The following FBXL5 variants were observed in gnomAD, a reference collection of about 807,000 sequenced individuals.
FBXL5 encodes F-box and leucine rich repeat protein 5.
In FBXL5, 26 loss-of-function variants were observed where a neutral mutation model predicts 78.3. The observed-to-expected ratio is 0.33, with a 90% CI of 0.24 to 0.46. The LOEUF is 0.46. FBXL5 is among the 20% of genes least tolerant of loss of function. FBXL5 has a pLI of 1.00. For missense variants in FBXL5, 710 were observed against 829.2 expected, an observed-to-expected ratio of 0.86 and a Z score of 1.77; for synonymous variants, 295 against 282.5, an observed-to-expected ratio of 1.04 and a Z score of -0.45.
intron 10 of FBXL5, among the ~76,000 whole-genome samples, chr4:15,611,019 G>T (rs1722217765): frequency 1.3e-5 from 2 of 151,994 alleles, no homozygotes; most frequent in African/African-American, 4.8e-5. Flanking sequence ...TGTTTTCATA[G>T]GCTTAGCATG....
intron 1 of FBXL5, among the ~76,000 whole-genome samples, chr4:15,652,907 G>A (rs1276743570): frequency 6.6e-6 from 1 of 152,084 alleles, no homozygotes; most frequent in East Asian, 1.9e-4. Context: ...GATATCCTTG[G>A]TCTATACAAC....
chr4:15,617,945 A>G (rs13134177), intron 9 of FBXL5, among the ~76,000 whole-genome samples: 100,831 of 151,904 alleles, frequency 0.66, 33,821 homozygotes, highest in East Asian at 0.89. Context: ...TGCACATCTC[A>G]CACAGATACC....
upstream of FBXL5, among the ~76,000 whole-genome samples, chr4:15,661,796 T>C (rs1430003785): frequency 6.6e-6 from 1 of 152,218 alleles, no homozygotes; most frequent in Non-Finnish European, 1.5e-5. Flanking sequence ...AGATCAGGTT[T>C]TCTCATGTGG....
At chr4:15,675,660 C>T (rs188018035) in intron 1 of FBXL5, among the ~76,000 whole-genome samples, 1 of 145,742 alleles carries the variant, frequency 6.9e-6, no homozygotes, top group Admixed American at 7.3e-5. Context: ...CAGCTCACTG[C>T]AACCTCTGCC....
At position 15,616,752 on chromosome 4, in the gene FBXL5, C is replaced by T. The variant is rs924322178; in HGVS notation, c.1851-4338G>A. Among the ~76,000 whole-genome samples, 3 of 152,332 alleles carry T rather than the reference C, an allele frequency of 2.0e-5. No homozygotes were observed. In the Middle Eastern group the frequency reaches 0.01, roughly 518 times the overall value. ...GATCTCCCCACTGCTTCCTCTACCC[C>T]TGTATTTTGCCCGGCTCTCTAAATT... On this transcript the variant is annotated intron_variant, in intron 9 of 10. Transcript: ENST00000341285.
intron 1 of FBXL5, among the ~76,000 whole-genome samples, chr4:15,673,257 T>C (rs1717839235): frequency 6.6e-6 from 1 of 152,044 alleles, no homozygotes; most frequent in Non-Finnish European, 1.5e-5. Context: ...CTGGACAACA[T>C]GGCAAAATCC....
chr4:15,629,129 A>C (rs935837382), intron 6 of FBXL5, among the ~76,000 whole-genome samples: 1 of 152,112 alleles, frequency 6.6e-6, no homozygotes, highest in African/African-American at 2.4e-5. Flanking sequence ...CGAAAAAAGC[A>C]CTGAAGTAAA....
intron 5 of FBXL5, among the ~76,000 whole-genome samples, chr4:15,631,022 T>A (rs897478784): frequency 2.6e-5 from 4 of 152,172 alleles, no homozygotes; most frequent in African/African-American, 9.7e-5. Flanking sequence ...ACCCATCAAC[T>A]CATCATTTAC....
At chr4:15,646,719 C>G (rs952740484) in intron 1 of FBXL5, among the ~76,000 whole-genome samples, 27 of 138,858 alleles carry the variant, frequency 1.9e-4, no homozygotes, top group African/African-American at 6.5e-4. Flanking sequence ...CAACAGGCCC[C>G]GGTGTGTGAT....
At chr4:15,654,286 C>T (rs768712403) in intron 1 of FBXL5, among the ~76,000 whole-genome samples, 5 of 152,200 alleles carry the variant, frequency 3.3e-5, no homozygotes, top group Non-Finnish European at 7.3e-5. Context: ...ACGGGACTGC[C>T]TGAGGTTTGC....
upstream of FBXL5, among the ~76,000 whole-genome samples, chr4:15,663,454 G>A (rs1324556534): frequency 6.6e-6 from 1 of 152,154 alleles, no homozygotes; most frequent in Admixed American, 6.5e-5. Context: ...ACTGGAGTTG[G>A]ACTGATTGTC....
At chr4:15,625,043 A>G (rs1577440396) in intron 9 of FBXL5, among the ~76,000 whole-genome samples, 1 of 152,216 alleles carries the variant, frequency 6.6e-6, no homozygotes, top group African/African-American at 2.4e-5. Flanking sequence ...GTTCTTCCAT[A>G]CATCACAATG....
At chr4:15,661,060 G>C (rs1717286933), upstream of FBXL5, among the ~76,000 whole-genome samples, 1 of 150,830 alleles carries the variant, frequency 6.6e-6, no homozygotes, top group South Asian at 2.1e-4. Flanking sequence ...CTGGGTGACA[G>C]AGCAAGGCTC....
chr4:15,644,704 G>T lies in FBXL5; in HGVS notation c.89C>A (p.Ser30Tyr). Residue 30 changes from serine (S) to tyrosine (Y), a missense_variant, in exon 2 of 11, where the codon TCT becomes TAT. Around this residue, in one of 4 missense-constraint regions of FBXL5, gnomAD observed 132 missense variants for 156.9 expected, o/e 0.84. Transcript: ENST00000341285. ...GTTGTTGTTGGAAAAATTGGTTTTA[G>T]AAAGCTGAATAAAAATTTAAAAAGA... ...QLVGLYCDKLSKTNFSNNNDF... is the reference protein window; with the variant it reads ...QLVGLYCDKLYKTNFSNNNDF... 1 of 1,604,272 alleles carries T rather than the reference G, an allele frequency of 6.2e-7. No individual in the cohort carries two copies. Among genetic ancestry groups the T allele is most frequent in the Non-Finnish European group, 8.5e-7 (1 of 1,174,832 alleles).
chr4:15,643,808 GCTTTC>G, intron 2 of FBXL5, among the ~76,000 whole-genome samples: 1 of 152,318 alleles, frequency 6.6e-6, no homozygotes, highest in South Asian at 2.1e-4. Flanking sequence ...TAACTGGATA[GCTTTC>G]CTTTAAGAAT....
At chr4:15,610,618 T>C (rs1042957849) in intron 10 of FBXL5, among the ~76,000 whole-genome samples, 3 of 152,108 alleles carry the variant, frequency 2.0e-5, no homozygotes, top group Admixed American at 1.3e-4. Flanking sequence ...AATTATTTCA[T>C]TTTATCCCAT....
At chr4:15,620,262 AGAC>A (rs1363023004) in intron 9 of FBXL5, among the ~76,000 whole-genome samples, 1 of 152,224 alleles carries the variant, frequency 6.6e-6, no homozygotes, top group Non-Finnish European at 1.5e-5. Flanking sequence ...AAACTACAAA[AGAC>A]TACTGAAAGA....
chr4:15,665,231 G>A (rs909324893), intron 1 of FBXL5, among the ~76,000 whole-genome samples: 22 of 152,022 alleles, frequency 1.4e-4, no homozygotes, highest in African/African-American at 4.1e-4. Flanking sequence ...TTCCAGTGGC[G>A]GGTTGTTTCA....
At chr4:15,664,201 T>C (rs184047407), upstream of FBXL5, among the ~76,000 whole-genome samples, 14 of 152,274 alleles carry the variant, frequency 9.2e-5, no homozygotes, top group Admixed American at 2.6e-4. Flanking sequence ...ATAAGACACA[T>C]AGTCCTCTCA....
Sources: allele counts gnomAD v4.1 joint callset (sites outside exome capture counted in the v4.1 genomes callset), GRCh38; gene constraint gnomAD v4.1.1; regional missense constraint gnomAD v4.1.1; transcripts MANE v1.5; gene names NCBI Gene and HGNC (gene_info 2026-07-23, HGNC 2026-07-21).